UBE2G1: variants seen among roughly 807,000 people sequenced by gnomAD.
The protein encoded by UBE2G1 is ubiquitin-conjugating enzyme E2 G1.
A neutral mutation model predicts 22.7 loss-of-function variants in UBE2G1; 5 were observed. The ratio of observed to expected loss-of-function variants is 0.22; its 90% CI spans 0.12 to 0.46. The LOEUF (loss-of-function observed/expected upper bound fraction) is 0.46, where lower values mean the gene tolerates loss of function less well. UBE2G1 is among the 20% of genes least tolerant of loss of function. UBE2G1 has a pLI of 0.99. For missense variants in UBE2G1, 88 were observed against 203.9 expected (o/e 0.43, Z 3.46); for synonymous variants, 74 against 67.5 (o/e 1.10, Z -0.47).
chr17:4,348,545 T>A (rs1597264588), intron 1 of UBE2G1, among the ~76,000 whole-genome samples: 2 of 118,708 alleles, frequency 1.7e-5, no homozygotes, highest in Non-Finnish European at 3.3e-5. Flanking sequence ...AGAGCGAGAC[T>A]CCGTCTCAAA....
intron 2 of UBE2G1, chr17:4,302,185 T>A: frequency 2.0e-6 from 1 of 512,430 alleles, no homozygotes; most frequent in Admixed American, 2.0e-5. Context: ...ACAGACAAAT[T>A]TGGATTTTCT....
At chr17:4,333,473 C>T (rs1333357253) in intron 1 of UBE2G1, among the ~76,000 whole-genome samples, 1 of 151,954 alleles carries the variant, frequency 6.6e-6, no homozygotes, top group African/African-American at 2.4e-5. Flanking sequence ...GTCAGAAATT[C>T]GACACCAGCC....
At chr17:4,333,126 A>T (rs908707846) in intron 1 of UBE2G1, among the ~76,000 whole-genome samples, 5 of 152,236 alleles carry the variant, frequency 3.3e-5, no homozygotes, top group African/African-American at 7.2e-5. Flanking sequence ...ACAATTCTTA[A>T]GTTTGGAACA....
At chr17:4,322,124 A>G (rs1251048479) in intron 1 of UBE2G1, among the ~76,000 whole-genome samples, 1 of 152,236 alleles carries the variant, frequency 6.6e-6, no homozygotes. Context: ...CATAAAATGC[A>G]CAAAGTTAAA....
chr17:4,342,828 G>A (rs1969726786), intron 1 of UBE2G1, among the ~76,000 whole-genome samples: 1 of 151,954 alleles, frequency 6.6e-6, no homozygotes. Context: ...CTGAGTAAAA[G>A]CCTAAATCCT....
At chr17:4,299,962 G>A (rs554476375) in intron 2 of UBE2G1, among the ~76,000 whole-genome samples, 1 of 151,650 alleles carries the variant, frequency 6.6e-6, no homozygotes, top group East Asian at 1.9e-4. Context: ...AAGTACCTAG[G>A]ATTACAAGCG....
intron 4 of UBE2G1, among the ~76,000 whole-genome samples, chr17:4,286,241 C>T (rs997635516): frequency 1.3e-5 from 2 of 151,912 alleles, no homozygotes; most frequent in African/African-American, 4.8e-5. Context: ...CCTGTCTCTA[C>T]TAAAACTACA....
At chr17:4,330,713 GACA>G (rs199777911) in intron 1 of UBE2G1, among the ~76,000 whole-genome samples, 6,306 of 152,048 alleles carry the variant, frequency 0.041, 178 homozygotes, top group Non-Finnish European at 0.065. Flanking sequence ...CTCCAGCCTG[GACA>G]ACAAGAGTGA....
At chr17:4,289,582 T>C (rs943204856) in intron 3 of UBE2G1, among the ~76,000 whole-genome samples, 174 bp from the exon 4 acceptor site, 49 of 152,226 alleles carry the variant, frequency 3.2e-4, no homozygotes, top group African/African-American at 9.6e-4. Flanking sequence ...ATAGTATAGA[T>C]TGTACTACAT....
chr17:4,302,999 GAGCTTCTTTT>G (rs1969203065), intron 2 of UBE2G1, among the ~76,000 whole-genome samples: 1 of 152,074 alleles, frequency 6.6e-6, no homozygotes, highest in Non-Finnish European at 1.5e-5. Flanking sequence ...AAAAACACAG[GAGCTTCTTTT>G]GAGATTGTCT....
chr17:4,346,971 A>G (rs1284433201), intron 1 of UBE2G1, among the ~76,000 whole-genome samples: 2 of 151,268 alleles, frequency 1.3e-5, no homozygotes, highest in African/African-American at 2.4e-5. Flanking sequence ...TGGCCAACAC[A>G]GTGAAACCCC....
intron 3 of UBE2G1, among the ~76,000 whole-genome samples, chr17:4,289,987 G>A (rs999729464): frequency 1.3e-5 from 2 of 152,072 alleles, no homozygotes; most frequent in South Asian, 4.1e-4. Flanking sequence ...CAACATATAC[G>A]ACACTCAAGA....
chr17:4,335,231 G>A (rs974646891), intron 1 of UBE2G1: 1 of 152,104 alleles, frequency 6.6e-6, no homozygotes, highest in African/African-American at 2.4e-5. Context: ...AAATGTAAGA[G>A]AATCACACCA....
chr17:4,346,032 T>G (rs1475370931), intron 1 of UBE2G1, among the ~76,000 whole-genome samples: 1 of 152,264 alleles, frequency 6.6e-6, no homozygotes, highest in African/African-American at 2.4e-5. Flanking sequence ...TAGCATCTGC[T>G]ATTGATATTG....
At chr17:4,293,291 T>C (rs1447207410) in intron 3 of UBE2G1, among the ~76,000 whole-genome samples, 1 of 152,240 alleles carries the variant, frequency 6.6e-6, no homozygotes, top group Non-Finnish European at 1.5e-5. Context: ...CCAAGGTTCA[T>C]CTATGTTGTA....
At chr17:4,341,963 C>A (rs1969717761) in intron 1 of UBE2G1, among the ~76,000 whole-genome samples, 1 of 152,208 alleles carries the variant, frequency 6.6e-6, no homozygotes, top group Admixed American at 6.5e-5. Context: ...CTTCTTAATG[C>A]CAGTGTGTCC....
intron 1 of UBE2G1, among the ~76,000 whole-genome samples, chr17:4,345,325 A>G (rs1555523179): frequency 6.6e-6 from 1 of 152,238 alleles, no homozygotes; most frequent in Non-Finnish European, 1.5e-5. Context: ...ACAAGCCTCG[A>G]GCAGATTCTA....
chr17:4,306,919 G>C (rs1969255124), intron 2 of UBE2G1, 102 bp downstream of exon 2: 1 of 1,019,468 alleles, frequency 9.8e-7, no homozygotes, highest in South Asian at 1.4e-5. Flanking sequence ...CAAAGTGCTG[G>C]GATTACAGGT....
intron 5 of UBE2G1, among the ~76,000 whole-genome samples, chr17:4,277,827 G>C (rs733622): frequency 6.6e-6 from 1 of 152,016 alleles, no homozygotes; most frequent in Admixed American, 6.5e-5. Context: ...TGATAAAGCC[G>C]TGAGAAAAGC....
Sources: gnomAD v4.1 joint callset for allele counts (sites outside exome capture counted in the v4.1 genomes callset) on GRCh38, gnomAD v4.1.1 for gene constraint, MANE v1.5 for transcripts, NCBI Gene and HGNC (gene_info 2026-07-23, HGNC 2026-07-21) for gene names.